The following OSBPL6 variants were observed in gnomAD, a reference collection of about 807,000 sequenced individuals.
OSBPL6 encodes oxysterol-binding protein-related protein 6.
Under a neutral mutation model 125.8 loss-of-function variants are expected in OSBPL6, and 49 were observed. That is an observed-to-expected ratio of 0.39 (90% CI 0.31 to 0.49). The LOEUF (loss-of-function observed/expected upper bound fraction) is 0.49. OSBPL6 is among the 20% of genes least tolerant of loss of function. OSBPL6 has a pLI of 0.88. For synonymous variants in OSBPL6, 394 were observed against 391.8 expected, an observed-to-expected ratio of 1.01 and a Z score of -0.07; for missense variants, 986 against 1,135.4, an observed-to-expected ratio of 0.87 and a Z score of 1.89.
At position 178,372,146 on chromosome 2, in the gene OSBPL6, AC is replaced by A; in HGVS notation, c.1309del (p.Leu437Ter). On this transcript the variant is annotated frameshift_variant, in exon 14 of 25. Transcript: ENST00000190611. LOFTEE classifies it high-confidence loss of function. ...LSQALNQNAE[L>X]RSRLNRIHSE... Reference sequence around the variant, plus strand: ...TTAAGGCACTCAACCAGAATGCTGAACTAAGGAGTCGGTTGAACAGAATACA... The same window carrying A: ...TTAAGGCACTCAACCAGAATGCTGAATAAGGAGTCGGTTGAACAGAATACA... The A allele has an allele frequency of 6.2e-7, 1 of 1,612,842 alleles. No homozygotes were observed. Among genetic ancestry groups the A allele is most frequent in the Non-Finnish European group, 8.5e-7 (1 of 1,179,314 alleles).
At position 178,335,929 on chromosome 2, in the gene OSBPL6, G is replaced by A. The variant is rs539221302; in HGVS notation, c.658-372G>A. On this transcript the variant is annotated intron_variant, in intron 8 of 24. Transcript: ENST00000190611. Reference sequence around the variant, plus strand: ...GAACTTGAGTGGTCATAAGGGTACAGAAACCTTTTGGAAAGGAAAGACCTT... The same window carrying A: ...GAACTTGAGTGGTCATAAGGGTACAAAAACCTTTTGGAAAGGAAAGACCTT... 2.0e-5 allele frequency among the ~76,000 whole-genome samples: 3 copies of A among 152,202 alleles called. No homozygotes were observed. The South Asian group carries it at 6.2e-4, about 32-fold the overall frequency.
chr2:178,235,398 CTTTTTTTTTTTT>C (rs540269327), intron 1 of OSBPL6, among the ~76,000 whole-genome samples: 5 of 78,040 alleles, frequency 6.4e-5, no homozygotes, highest in African/African-American at 9.2e-5. Flanking sequence ...CTTTTCTTTT[CTTTTTTTTTTTT>C]TTTTTTTTTT....
intron 1 of OSBPL6, among the ~76,000 whole-genome samples, chr2:178,229,167 T>G (rs113913442): frequency 2.0e-5 from 3 of 152,210 alleles, no homozygotes; most frequent in African/African-American, 7.2e-5. Context: ...CCCAGTCTCT[T>G]GAGAATGTGA....
chr2:178,340,449 T>G (rs1013286259), intron 11 of OSBPL6, among the ~76,000 whole-genome samples: 12 of 152,152 alleles, frequency 7.9e-5, no homozygotes, highest in Admixed American at 2.0e-4. Context: ...TACTTGAAAT[T>G]TATTTGAAAT....
chr2:178,329,369 A>G (rs1688984026), intron 5 of OSBPL6, among the ~76,000 whole-genome samples: 1 of 152,012 alleles, frequency 6.6e-6, no homozygotes. Context: ...AGGAGGAGAA[A>G]GTTGCCGTAC....
intron 24 of OSBPL6, 24 bp downstream of exon 24, chr2:178,394,459 A>C (rs1411259715): frequency 6.3e-7 from 1 of 1,585,670 alleles, no homozygotes; most frequent in Non-Finnish European, 8.5e-7. Context: ...CTCCCATAGC[A>C]AGTTCATGTT....
intron 15 of OSBPL6, among the ~76,000 whole-genome samples, chr2:178,381,967 A>G (rs1172611246): frequency 6.6e-6 from 1 of 152,146 alleles, no homozygotes; most frequent in Non-Finnish European, 1.5e-5. Flanking sequence ...TGTCCCTTCT[A>G]ATAACTGGGC....
rs558616057 is a variant in OSBPL6, at chr2:178,348,000, T to C, written c.988-1224T>C. Among the ~76,000 whole-genome samples the C allele has an allele frequency of 3.9e-5, 6 of 152,340 alleles. No homozygotes were observed. The South Asian group carries it at 8.3e-4, about 21-fold the overall frequency. On this transcript the variant is annotated intron_variant, in intron 11 of 24. Coordinates refer to ENST00000190611, the MANE Select transcript of OSBPL6 (RefSeq NM_032523.4). ...ACAATGCTGCATCAGAAGGACGCTC[T>C]GTCTCAACTGCCCTTAACCTGCAGC...
At chr2:178,267,353 C>CAAAAAA (rs57444695) in intron 1 of OSBPL6, among the ~76,000 whole-genome samples, 42 of 81,698 alleles carry the variant, frequency 5.1e-4, no homozygotes, top group Middle Eastern at 0.017. Flanking sequence ...AACTCCATCT[C>CAAAAAA]AAAAAAAAAA....
At chr2:178,344,421 G>A in intron 11 of OSBPL6, 2 of 1,531,308 alleles carry the variant, frequency 1.3e-6, no homozygotes, top group Non-Finnish European at 1.8e-6. Context: ...GTACAAGGAT[G>A]ACTCCCCTGT....
intron 1 of OSBPL6, among the ~76,000 whole-genome samples, chr2:178,256,200 A>C (rs1208540281): frequency 6.6e-6 from 1 of 152,144 alleles, no homozygotes; most frequent in Non-Finnish European, 1.5e-5. Flanking sequence ...AAAGCAGCAC[A>C]CTCCCTTAGC....
chr2:178,218,406 AT>A (rs1220650249), intron 1 of OSBPL6, among the ~76,000 whole-genome samples: 2 of 92,616 alleles, frequency 2.2e-5, no homozygotes, highest in African/African-American at 2.0e-4. Flanking sequence ...AAAAAAAAAA[AT>A]TAAAAAAAAA....
chr2:178,352,335 G>A (rs1397518033), intron 12 of OSBPL6, among the ~76,000 whole-genome samples: 2 of 152,166 alleles, frequency 1.3e-5, no homozygotes, highest in Non-Finnish European at 2.9e-5. Flanking sequence ...TTTCCTAACC[G>A]AGGGAAGCCA....
intron 1 of OSBPL6, among the ~76,000 whole-genome samples, chr2:178,269,720 G>A (rs531983555): frequency 6.6e-6 from 1 of 152,218 alleles, no homozygotes; most frequent in South Asian, 2.1e-4. Flanking sequence ...CCAGAGAGCA[G>A]GAATAGTACC....
chr2:178,391,883 T>G (rs1210391402), intron 22 of OSBPL6, among the ~76,000 whole-genome samples: 1 of 152,230 alleles, frequency 6.6e-6, no homozygotes, highest in Non-Finnish European at 1.5e-5. Context: ...GTGGCTAGCT[T>G]ATTCATTCCG....
In OSBPL6 at chr2:178,383,186, C is replaced by T; in HGVS notation, c.1784C>T (p.Pro595Leu). The T allele has an allele frequency of 2.5e-6, 4 of 1,614,036 alleles. No homozygotes were observed. The highest frequency in any genetic ancestry group is 2.2e-5 in the East Asian group (1 of 44,890). The change falls in exon 17 of 25, where the codon CCG becomes CTG. Residue 595 changes from proline (P) to leucine (L), a missense_variant. Pro to Leu is a moderately conservative substitution (Grantham distance 98). Coordinates refer to ENST00000190611, the MANE Select transcript of OSBPL6 (RefSeq NM_032523.4). ...TCTATGCCTGTGGAGCTAAACGAGCCGCTCAACACCCTGCAGCACCTCTGT... is the reference window on the plus strand; with the variant it reads ...TCTATGCCTGTGGAGCTAAACGAGCTGCTCAACACCCTGCAGCACCTCTGT... ...KVSMPVELNE[P>L]LNTLQHLCEE... is the part of the protein sequence containing the mutation.
rs199599125 is a variant in OSBPL6 at position 178,339,706 on chromosome 2, G to A, written c.929G>A (p.Arg310Gln). 1.1e-5 allele frequency: 17 copies of A among 1,604,590 alleles called. No individual in the cohort carries two copies. The highest frequency in any genetic ancestry group is 2.7e-5 in the African/African-American group (2 of 74,284). Residue 310 changes from arginine (R) to glutamine (Q), a missense_variant, in exon 11 of 25, where the codon CGG becomes CAG. By Grantham distance (43) the Arg-to-Gln change is conservative. Transcript: ENST00000190611. ...NCVDISKKDK[R>Q]VTRRWRTKSV... ...GTAGATATTTCAAAGAAAGACAAGCGGGTCACAAGACGATGGAGAACAAAA... is the reference window on the plus strand; with the variant it reads ...GTAGATATTTCAAAGAAAGACAAGCAGGTCACAAGACGATGGAGAACAAAA...
At chr2:178,259,667 A>G (rs949495579) in intron 1 of OSBPL6, among the ~76,000 whole-genome samples, 1 of 152,184 alleles carries the variant, frequency 6.6e-6, no homozygotes, top group African/African-American at 2.4e-5. Flanking sequence ...TTTAGGGAAG[A>G]CATATGTAAG....
In OSBPL6 at chr2:178,394,330, A is replaced by G; in HGVS notation, c.2591A>G (p.Asn864Ser). 6.2e-7 allele frequency: 1 copy of G among 1,613,020 alleles called. No individual in the cohort carries two copies. Among genetic ancestry groups the G allele is most frequent in the Non-Finnish European group, 8.5e-7 (1 of 1,179,730 alleles). ...CTGCTTAGATTTTTGGAAGAAGGAAATTTAGAAGCTGCAGCATCAGAGAAG... is the reference window on the plus strand; with the variant it reads ...CTGCTTAGATTTTTGGAAGAAGGAAGTTTAGAAGCTGCAGCATCAGAGAAG... Reference protein sequence around the residue: ...RPDQRFLEEGNLEAAASEKQR... With the variant: ...RPDQRFLEEGSLEAAASEKQR... The change falls in exon 24 of 25, where the codon AAT becomes AGT. Residue 864 changes from asparagine to serine, a missense_variant. Around this residue, in one of 3 missense-constraint regions of OSBPL6, gnomAD observed 843 missense variants for 997.3 expected, o/e 0.85. Coordinates refer to ENST00000190611, the MANE Select transcript of OSBPL6 (RefSeq NM_032523.4).
Sources: allele counts gnomAD v4.1 joint callset (sites outside exome capture counted in the v4.1 genomes callset), GRCh38; gene constraint gnomAD v4.1.1; regional missense constraint gnomAD v4.1.1; transcripts MANE v1.5; gene names NCBI Gene and HGNC (gene_info 2026-07-23, HGNC 2026-07-21).